Variants in DNAH3 observed in about 807,000 individuals in gnomAD.
DNAH3 encodes the protein dynein axonemal heavy chain 3.
A neutral mutation model predicts 432.5 loss-of-function variants in DNAH3; 332 were observed. The observed-to-expected ratio is 0.77, with a 90% CI of 0.70 to 0.84. The LOEUF (loss-of-function observed/expected upper bound fraction) is 0.84. DNAH3 is among the 40% of genes least tolerant of loss of function. DNAH3 has a pLI of 0.00. For missense variants in DNAH3, 4,861 were observed against 5,114.0 expected (o/e 0.95, Z 1.51); for synonymous variants, 1,956 against 1,900.2 (o/e 1.03, Z -0.76).
chr16:21,063,260 C>T (rs940170309), intron 24 of DNAH3, among the ~76,000 whole-genome samples: 5 of 152,068 alleles, frequency 3.3e-5, no homozygotes, highest in African/African-American at 4.8e-5. Flanking sequence ...TCTGGGAGTG[C>T]GGCTGATGAA....
chr16:21,034,035 G>A, exon 36 of DNAH3: 1 of 1,613,796 alleles, frequency 6.2e-7, no homozygotes, highest in East Asian at 2.2e-5. Flanking sequence ...TGCCGCCCAT[G>A]GGGTCTCCTA....
chr16:21,033,272 C>T (rs145092816), intron 36 of DNAH3, among the ~76,000 whole-genome samples: 10 of 151,950 alleles, frequency 6.6e-5, no homozygotes, highest in East Asian at 1.9e-4. Context: ...AATGCATGCA[C>T]GAAAAGGAAA....
chr16:21,020,987 A>C (rs1252121706), intron 40 of DNAH3, among the ~76,000 whole-genome samples: 1 of 152,202 alleles, frequency 6.6e-6, no homozygotes, highest in Non-Finnish European at 1.5e-5. Context: ...GAAGAATCGC[A>C]CAGTCATTTT....
exon 14 of DNAH3, chr16:21,111,802 C>T (rs146094160): frequency 6.2e-7 from 1 of 1,612,646 alleles, no homozygotes; most frequent in Non-Finnish European, 8.5e-7. Flanking sequence ...TGGCATTGAT[C>T]TTCTGCAGAA....
At position 20,987,973 on chromosome 16, in the gene DNAH3, A is replaced by G. The variant is rs1179735799; in HGVS notation, c.6694T>C (p.Phe2232Leu). Residue 2232 changes from phenylalanine to leucine, a missense_variant, in exon 45 of 62, where the codon TTC becomes CTC. Coordinates refer to ENST00000261383, the Ensembl canonical transcript of DNAH3. ...AACATCACATCAAACCCTTTCCCGA[A>G]GTGCCAGTCAACAATCGAACTGAAA... The G allele has an allele frequency of 1.9e-6, 3 of 1,614,062 alleles. No homozygotes were observed. The Admixed American group carries it at 5.0e-5, about 27-fold the overall frequency.
rs2092073170 is a variant in DNAH3, at chr16:21,111,595, A to G, written c.2099+31T>C. On this transcript the variant is annotated intron_variant, in intron 14 of 61. Coordinates refer to ENST00000261383, the Ensembl canonical transcript of DNAH3. ...TCGTCTCCAGTTGGTGCCAAATACC[A>G]TTGCTATTTGTCTGCACAGAATTAC... The G allele has an allele frequency of 2.5e-6, 4 of 1,591,054 alleles. No homozygotes were observed. In the East Asian group the frequency reaches 9.0e-5, roughly 36 times the overall value.
chr16:21,120,396 G>A (rs1485188679), intron 11 of DNAH3, among the ~76,000 whole-genome samples: 1 of 152,132 alleles, frequency 6.6e-6, no homozygotes, highest in Non-Finnish European at 1.5e-5. Context: ...CACCATGATT[G>A]ACCTTAACTA....
intron 58 of DNAH3, among the ~76,000 whole-genome samples, chr16:20,943,247 T>C (rs1447456413): frequency 3.4e-5 from 5 of 145,866 alleles, no homozygotes; most frequent in Non-Finnish European, 7.6e-5. Context: ...AGCTCAGCTA[T>C]TTTTTTTTTT....
chr16:21,122,610 C>G (rs1379964396), intron 9 of DNAH3, among the ~76,000 whole-genome samples: 1 of 152,106 alleles, frequency 6.6e-6, no homozygotes. Flanking sequence ...ACCCTGACTC[C>G]ATGCACTCTC....
intron 51 of DNAH3, among the ~76,000 whole-genome samples, chr16:20,974,262 C>T (rs569184763): frequency 3.6e-4 from 54 of 151,876 alleles, no homozygotes; most frequent in Non-Finnish European, 6.8e-4. Flanking sequence ...TGGTCTTGAA[C>T]TCCAGGACTC....
chr16:21,155,975 C>G (rs1403993534), intron 1 of DNAH3, among the ~76,000 whole-genome samples: 2 of 152,202 alleles, frequency 1.3e-5, no homozygotes, highest in Non-Finnish European at 2.9e-5. Flanking sequence ...TAGCAAAGTA[C>G]CAAAGTCTGG....
intron 15 of DNAH3, among the ~76,000 whole-genome samples, chr16:21,105,427 T>C (rs1004715214): frequency 6.6e-6 from 1 of 152,244 alleles, no homozygotes; most frequent in South Asian, 2.1e-4. Flanking sequence ...CACAGGAGCA[T>C]GAAGAAAAGT....
At chr16:21,023,786 G>GGTGTGTGTGTGTGTGT (rs3220045) in intron 39 of DNAH3, among the ~76,000 whole-genome samples, 9 of 146,480 alleles carry the variant, frequency 6.1e-5, no homozygotes, top group East Asian at 6.0e-4. Context: ...CAGCTTTTGG[G>GGTGTGTGTGTGTGTGT]GTGTGTGTGT....
chr16:21,123,197 C>G (rs2092379888), intron 9 of DNAH3, among the ~76,000 whole-genome samples: 1 of 151,728 alleles, frequency 6.6e-6, no homozygotes. Flanking sequence ...AAAATGTCAA[C>G]CTTGCTACAA....
chr16:20,969,030 G>A (rs1033716455), intron 52 of DNAH3, among the ~76,000 whole-genome samples: 13 of 151,486 alleles, frequency 8.6e-5, no homozygotes, highest in Non-Finnish European at 2.9e-5. Flanking sequence ...ACTCTCTCCT[G>A]TATGTCTGCA....
intron 54 of DNAH3, among the ~76,000 whole-genome samples, chr16:20,956,292 T>G (rs2084562378): frequency 6.6e-6 from 1 of 152,160 alleles, no homozygotes; most frequent in Non-Finnish European, 1.5e-5. Context: ...ATCTTCCCTT[T>G]AAAATTGTTA....
intron 16 of DNAH3, among the ~76,000 whole-genome samples, chr16:21,103,309 GA>G (rs201642545): frequency 1.3e-3 from 126 of 97,202 alleles, no homozygotes; most frequent in African/African-American, 4.8e-3. Context: ...AAAACCTATG[GA>G]AAAAAAATCA....
intron 12 of DNAH3, among the ~76,000 whole-genome samples, chr16:21,115,554 A>G (rs911143142): frequency 6.6e-6 from 1 of 151,672 alleles, no homozygotes; most frequent in African/African-American, 2.4e-5. Context: ...TAAAAATATA[A>G]AAATCGGCTG....
At chr16:20,935,284 G>A in intron 61 of DNAH3, 64 bp downstream of exon 61, 1 of 1,592,222 alleles carries the variant, frequency 6.3e-7, no homozygotes, top group Non-Finnish European at 8.6e-7. Context: ...GACTCATAAG[G>A]AAATTGGCAA....
Sources: allele counts gnomAD v4.1 joint callset (sites outside exome capture counted in the v4.1 genomes callset), GRCh38; gene constraint gnomAD v4.1.1; transcripts MANE v1.5; gene names NCBI Gene and HGNC (gene_info 2026-07-23, HGNC 2026-07-21).